The following WASF2 variants were observed in gnomAD, a reference collection of about 807,000 sequenced individuals.
The protein encoded by WASF2 is WASP family member 2, also known as actin-binding protein WASF2.
In WASF2, 14 loss-of-function variants were observed where a neutral mutation model predicts 45.0. The observed-to-expected ratio is 0.31, with a 90% CI of 0.21 to 0.49. The LOEUF (loss-of-function observed/expected upper bound fraction) is 0.49. Ranked by LOEUF, WASF2 falls within the 20% of genes least tolerant of loss-of-function variation. WASF2 has a pLI of 0.99. For missense variants in WASF2, 439 were observed against 636.1 expected, an observed-to-expected ratio of 0.69 and a Z score of 3.33; for synonymous variants, 200 against 236.3, an observed-to-expected ratio of 0.85 and a Z score of 1.41.
chr1:27,483,684 T>C (rs1160746497), intron 1 of WASF2, among the ~76,000 whole-genome samples: 1 of 151,434 alleles, frequency 6.6e-6, no homozygotes, highest in Admixed American at 6.6e-5. Flanking sequence ...GGCATGGTGG[T>C]TTATGCTTAT....
chr1:27,427,238 G>A (rs969374046), intron 2 of WASF2, among the ~76,000 whole-genome samples: 3 of 152,206 alleles, frequency 2.0e-5, no homozygotes, highest in Admixed American at 6.5e-5. Context: ...CCCCAAGATA[G>A]GAGTGGTCTG....
At chr1:27,463,877 ACCGCAAC>A (rs1162020428) in intron 1 of WASF2, among the ~76,000 whole-genome samples, 1 of 148,302 alleles carries the variant, frequency 6.7e-6, no homozygotes, top group Non-Finnish European at 1.5e-5. Context: ...ATCTTGGCTC[ACCGCAAC>A]CTCAGCCTCC....
At chr1:27,430,973 G>T (rs181346519) in intron 1 of WASF2, among the ~76,000 whole-genome samples, 1 of 152,108 alleles carries the variant, frequency 6.6e-6, no homozygotes, top group African/African-American at 2.4e-5. Context: ...AGGCTCAAAG[G>T]GGGAGTAGAA....
chr1:27,412,578 T>G lies in WASF2; in HGVS notation c.818A>C (p.Glu273Ala), dbSNP rs2016775064. The change falls in exon 7 of 9, where the codon GAA (glutamate) becomes GCA (alanine). Residue 273 changes from glutamate to alanine, a missense_variant. Physicochemically the swap from Glu to Ala is moderately radical, Grantham distance 107 (BLOSUM62 -1). Coordinates refer to ENST00000618852, the MANE Select transcript of WASF2 (RefSeq NM_006990.5). ...SEDNLPPPPA[E>A]FSYPVDNQRG... ...AGTAGGTACCACCATTTACCTGAAT[T>G]CTGCTGGTGGAGGAGGCAAGTTGTC... The G allele has an allele frequency of 2.5e-6, 4 of 1,614,054 alleles. No individual in the cohort carries two copies. The highest frequency in any genetic ancestry group is 3.4e-6 in the Non-Finnish European group (4 of 1,180,028).
intron 1 of WASF2, among the ~76,000 whole-genome samples, chr1:27,433,425 A>C (rs556519784): frequency 6.6e-6 from 1 of 152,352 alleles, no homozygotes; most frequent in East Asian, 1.9e-4. Flanking sequence ...TAATTCTTTC[A>C]TGGAACTCCA....
At chr1:27,446,886 C>T (rs2148122652) in intron 1 of WASF2, among the ~76,000 whole-genome samples, 1 of 152,192 alleles carries the variant, frequency 6.6e-6, no homozygotes, top group East Asian at 1.9e-4. Context: ...CCTGGGACCA[C>T]CCGTGAGCAT....
In WASF2 at chr1:27,432,452, TC is replaced by T. The variant is rs2017078507; in HGVS notation, c.-43-3520del. Among the ~76,000 whole-genome samples the T allele has an allele frequency of 2.0e-5, 3 of 151,730 alleles. No individual in the cohort carries two copies. In the East Asian group the frequency reaches 5.8e-4, roughly 30 times the overall value. ...TCACGAGGTCAGGAGATCGAGACCA[TC>T]CTGGCTAACATGGTGAAACGCCGTC... On this transcript the variant is annotated intron_variant, in intron 1 of 8. Transcript: ENST00000618852.
intron 1 of WASF2, among the ~76,000 whole-genome samples, chr1:27,449,575 G>C (rs1040002978): frequency 1.3e-5 from 2 of 151,804 alleles, no homozygotes; most frequent in Admixed American, 1.3e-4. Flanking sequence ...CTGCAGCCTG[G>C]GCAACAGAGC....
chr1:27,422,545 G>T (rs556365951), intron 2 of WASF2, among the ~76,000 whole-genome samples: 1 of 151,212 alleles, frequency 6.6e-6, no homozygotes, highest in African/African-American at 2.4e-5. Flanking sequence ...CATGAACCCA[G>T]GAGGCGGAGC....
At chr1:27,416,550 T>TGGGA (rs2016828527) in intron 4 of WASF2, among the ~76,000 whole-genome samples, 1 of 152,248 alleles carries the variant, frequency 6.6e-6, no homozygotes, top group Non-Finnish European at 1.5e-5. Context: ...TGTGCACATG[T>TGGGA]GGGAGTTCAT....
intron 1 of WASF2, among the ~76,000 whole-genome samples, chr1:27,441,396 G>A (rs1571139794): frequency 6.6e-6 from 1 of 151,776 alleles, no homozygotes; most frequent in Non-Finnish European, 1.5e-5. Context: ...GGGAGGCCGA[G>A]GTGGGTGGAT....
At chr1:27,454,147 G>A (rs1557612166) in intron 1 of WASF2, among the ~76,000 whole-genome samples, 1 of 19,610 alleles carries the variant, frequency 5.1e-5, no homozygotes, top group African/African-American at 1.7e-4. Context: ...GTGTGTGTGT[G>A]TGTGTGTATA....
At chr1:27,481,568 G>A (rs1420005199) in intron 1 of WASF2, among the ~76,000 whole-genome samples, 1 of 151,766 alleles carries the variant, frequency 6.6e-6, no homozygotes, top group Non-Finnish European at 1.5e-5. Flanking sequence ...GCATGGGGGT[G>A]GGCGCCTGTA....
chr1:27,435,812 T>G (rs992192946), intron 1 of WASF2, among the ~76,000 whole-genome samples: 1 of 152,238 alleles, frequency 6.6e-6, no homozygotes, highest in African/African-American at 2.4e-5. Flanking sequence ...TTACTAGCTG[T>G]TCATGACAAA....
At chr1:27,473,535 G>C (rs981031910) in intron 1 of WASF2, among the ~76,000 whole-genome samples, 7 of 151,524 alleles carry the variant, frequency 4.6e-5, no homozygotes, top group African/African-American at 1.7e-4. Context: ...GAGGAAAGAG[G>C]GGTATTGGAA....
chr1:27,456,892 G>A (rs904224734), intron 1 of WASF2, among the ~76,000 whole-genome samples: 35 of 151,908 alleles, frequency 2.3e-4, no homozygotes, highest in African/African-American at 6.7e-4. Context: ...TCCGTCCGCC[G>A]CCACGCCCGG....
chr1:27,410,048 G>A lies in WASF2; in HGVS notation c.983C>T (p.Pro328Leu). 1 of 1,613,514 alleles carries A rather than the reference G, an allele frequency of 6.2e-7. No individual in the cohort carries two copies. Among genetic ancestry groups the A allele is most frequent in the Non-Finnish European group, 8.5e-7 (1 of 1,179,720 alleles). ...PPPAPPPPPPPMIGIPPPPPP... is the reference protein window; with the variant it reads ...PPPAPPPPPPLMIGIPPPPPP... The stretch of plus-strand genomic sequence containing the variant: ...TGGTGGAGGTGGGATGCCTATCATT[G>A]GAGGCGGAGGTGGCGGAGGGGCAGG... The change falls in exon 8 of 9, where the codon CCA becomes CTA. Residue 328 changes from proline to leucine, a missense_variant. Physicochemically the swap from Pro to Leu is moderately conservative, Grantham distance 98 (BLOSUM62 -3). Coordinates refer to ENST00000618852, the MANE Select transcript of WASF2 (RefSeq NM_006990.5). This position sits in a 1 kb window ranked among gnomAD's most constrained non-coding sequence, Gnocchi z 4.2.
At chr1:27,457,901 G>A (rs2017494215) in intron 1 of WASF2, among the ~76,000 whole-genome samples, 1 of 152,052 alleles carries the variant, frequency 6.6e-6, no homozygotes, top group African/African-American at 2.4e-5. Context: ...AGGGTTACAG[G>A]CATAAGCCAC....
intron 5 of WASF2, 56 bp downstream of exon 5, chr1:27,415,929 T>TC (rs2016820316): frequency 2.1e-6 from 3 of 1,429,432 alleles, no homozygotes; most frequent in African/African-American, 1.4e-5. Flanking sequence ...TTCCTTTTTA[T>TC]CCCCCTCCAC....
Sources: allele counts gnomAD v4.1 joint callset (sites outside exome capture counted in the v4.1 genomes callset), GRCh38; gene constraint gnomAD v4.1.1; non-coding constraint Gnocchi (gnomAD v3.1); transcripts MANE v1.5; gene names NCBI Gene and HGNC (gene_info 2026-07-23, HGNC 2026-07-21).